RNLS: variants seen among roughly 807,000 people sequenced by gnomAD.
RNLS encodes the protein renalase.
RNLS carries 39 observed loss-of-function variants against 39.8 expected under a neutral mutation model. The observed-to-expected ratio is 0.98, with a 90% CI of 0.76 to 1.28. RNLS has a LOEUF of 1.28. Among genes scored for constraint, RNLS ranks in the 50% most tolerant of loss-of-function variants. RNLS has a pLI of 0.00. For missense variants in RNLS, 410 were observed against 413.3 expected (o/e 0.99, Z 0.07); for synonymous variants, 147 against 150.7 (o/e 0.98, Z 0.18).
intron 4 of RNLS, among the ~76,000 whole-genome samples, chr10:88,441,581 G>T (rs1386141071): frequency 6.6e-6 from 1 of 152,162 alleles, no homozygotes; most frequent in African/African-American, 2.4e-5. Context: ...GGGATATTTA[G>T]AATTAATTCT....
At chr10:88,371,159 T>C (rs1850529029) in intron 4 of RNLS, among the ~76,000 whole-genome samples, 1 of 152,024 alleles carries the variant, frequency 6.6e-6, no homozygotes, top group Non-Finnish European at 1.5e-5. Flanking sequence ...AGAGTAATAA[T>C]ACTGCCTGCC....
chr10:88,398,005 T>C (rs936950921), intron 4 of RNLS, among the ~76,000 whole-genome samples: 2 of 151,988 alleles, frequency 1.3e-5, no homozygotes, highest in African/African-American at 4.8e-5. Flanking sequence ...TTTTGACAAA[T>C]GGTTCTGGGG....
the RNLS span, among the ~76,000 whole-genome samples, chr10:88,247,712 G>T: frequency 6.6e-6 from 1 of 152,166 alleles, no homozygotes; most frequent in East Asian, 1.9e-4. Context: ...TGGCAAGCAG[G>T]TTGCATGTGG....
At chr10:88,568,432 C>T (rs1849639499) in intron 4 of RNLS, among the ~76,000 whole-genome samples, 2 of 152,018 alleles carry the variant, frequency 1.3e-5, no homozygotes, top group Non-Finnish European at 2.9e-5. Flanking sequence ...AGTTATTATA[C>T]TAAAAACCAC....
intron 4 of RNLS, among the ~76,000 whole-genome samples, chr10:88,508,560 C>T (rs1177201959): frequency 6.6e-6 from 1 of 152,088 alleles, no homozygotes; most frequent in Non-Finnish European, 1.5e-5. Flanking sequence ...CTATCAGTTG[C>T]CTGTGAGTTG....
the RNLS span, among the ~76,000 whole-genome samples, chr10:88,214,745 G>A: frequency 6.6e-6 from 1 of 151,994 alleles, no homozygotes; most frequent in African/African-American, 2.4e-5. Context: ...AAATTAATAT[G>A]TCATTTTGCT....
At position 88,474,983 on chromosome 10, in the gene RNLS, C is replaced by T. The variant is rs1019949697; in HGVS notation, c.526+97920G>A. Among the ~76,000 whole-genome samples the T allele has an allele frequency of 2.0e-4, 30 of 152,086 alleles. No individual in the cohort carries two copies. In the Middle Eastern group the frequency reaches 0.01, roughly 52 times the overall value. On this transcript the variant is annotated intron_variant, in intron 4 of 6. Transcript: ENST00000331772. ...AGTAGTTGGAGAAAGTAGTCAGCTC[C>T]CCCCGGCAACAAGATAGTGGACTGC...
chr10:88,275,856 T>A (rs1265101891), intron 6 of RNLS, among the ~76,000 whole-genome samples: 1 of 151,734 alleles, frequency 6.6e-6, no homozygotes, highest in Non-Finnish European at 1.5e-5. Flanking sequence ...GGAGTTTGAG[T>A]CTTACTTGGG....
At chr10:88,510,377 G>T (rs907442958) in intron 4 of RNLS, among the ~76,000 whole-genome samples, 2 of 152,008 alleles carry the variant, frequency 1.3e-5, no homozygotes, top group Non-Finnish European at 2.9e-5. Flanking sequence ...ATTCAAATTA[G>T]CAAGAGATTT....
At chr10:88,308,442 A>T (rs1015371888) in intron 6 of RNLS, among the ~76,000 whole-genome samples, 6 of 130,172 alleles carry the variant, frequency 4.6e-5, no homozygotes, top group South Asian at 2.7e-4. Flanking sequence ...TACAAAAAAT[A>T]AAAAAAAAAC....
intron 4 of RNLS, among the ~76,000 whole-genome samples, chr10:88,522,974 TA>T (rs1846848902): frequency 6.6e-6 from 1 of 152,078 alleles, no homozygotes. Flanking sequence ...TACTGTTTGA[TA>T]GGAACTCAAG....
intron 4 of RNLS, among the ~76,000 whole-genome samples, chr10:88,504,827 T>G: frequency 7.2e-6 from 1 of 138,562 alleles, no homozygotes; most frequent in East Asian, 2.1e-4. Flanking sequence ...TGGAGCAAAT[T>G]AGAGAGAGAG....
the RNLS span, among the ~76,000 whole-genome samples, chr10:88,234,445 A>AC: frequency 5.3e-5 from 8 of 152,052 alleles, no homozygotes; most frequent in African/African-American, 1.9e-4. Context: ...AAGGGAAGAC[A>AC]CCCTGGGAGG....
At chr10:88,437,991 T>C (rs1470075394) in intron 4 of RNLS, among the ~76,000 whole-genome samples, 1 of 152,042 alleles carries the variant, frequency 6.6e-6, no homozygotes, top group Non-Finnish European at 1.5e-5. Flanking sequence ...CTGGGCGTGG[T>C]AGCACATGCC....
At chr10:88,279,084 G>C (rs1385113951) in intron 6 of RNLS, among the ~76,000 whole-genome samples, 1 of 152,160 alleles carries the variant, frequency 6.6e-6, no homozygotes, top group Non-Finnish European at 1.5e-5. Context: ...TCGGCTGGGG[G>C]AGAACACAGT....
At chr10:88,581,024 A>G (rs978065203) in intron 3 of RNLS, among the ~76,000 whole-genome samples, 6 of 152,090 alleles carry the variant, frequency 3.9e-5, no homozygotes, top group African/African-American at 1.4e-4. Flanking sequence ...ACATGCATCA[A>G]TGTTTGTATT....
chr10:88,386,664 G>A (rs1005637081), intron 4 of RNLS, among the ~76,000 whole-genome samples: 1 of 152,130 alleles, frequency 6.6e-6, no homozygotes, highest in Non-Finnish European at 1.5e-5. Context: ...CTCTGAAAAG[G>A]GTGGATTTCT....
At chr10:88,173,993 ATT>A in the RNLS span, among the ~76,000 whole-genome samples, 1 of 144,306 alleles carries the variant, frequency 6.9e-6, no homozygotes, top group Non-Finnish European at 1.5e-5. Context: ...ATTCCTTGGT[ATT>A]TTTTTTTTTT....
intron 4 of RNLS, among the ~76,000 whole-genome samples, chr10:88,553,859 G>A (rs1301213666): frequency 6.6e-6 from 1 of 152,072 alleles, no homozygotes; most frequent in Non-Finnish European, 1.5e-5. Flanking sequence ...CTTCAAGGTA[G>A]AAATCATGCT....
Sources: gnomAD v4.1 joint callset for allele counts (sites outside exome capture counted in the v4.1 genomes callset) on GRCh38, gnomAD v4.1.1 for gene constraint, MANE v1.5 for transcripts, NCBI Gene and HGNC (gene_info 2026-07-23, HGNC 2026-07-21) for gene names.